TMEM120B: variants seen among roughly 807,000 people sequenced by gnomAD.
The protein encoded by TMEM120B is transmembrane protein 120B.
A neutral mutation model predicts 55.5 loss-of-function variants in TMEM120B; 31 were observed. The observed-to-expected ratio is 0.56, with a 90% confidence interval of 0.42 to 0.75. The LOEUF (loss-of-function observed/expected upper bound fraction) is 0.75. Among genes scored for constraint, TMEM120B ranks in the 30% least tolerant of loss-of-function variants. The pLI is 0.00. For synonymous variants in TMEM120B, 203 were observed against 176.3 expected (o/e 1.15, Z -1.20); for missense variants, 399 against 425.5 (o/e 0.94, Z 0.55).
At chr12:121,772,438 CTTTTT>C (rs113833541) in intron 8 of TMEM120B, among the ~76,000 whole-genome samples, 1 of 128,512 alleles carries the variant, frequency 7.8e-6, no homozygotes. Context: ...CCGTTTCTTT[CTTTTT>C]TTTTTTTTTT....
At chr12:121,742,827 A>C (rs1438711982) in intron 1 of TMEM120B, among the ~76,000 whole-genome samples, 2 of 151,848 alleles carry the variant, frequency 1.3e-5, no homozygotes, top group Non-Finnish European at 2.9e-5. Context: ...TACCTGCCTC[A>C]GCCTCCCAAA....
chr12:121,750,486 C>A, intron 4 of TMEM120B, 47 bp downstream of exon 4: 1 of 1,383,084 alleles, frequency 7.2e-7, no homozygotes, highest in Non-Finnish European at 1.0e-6. Context: ...CACACCGCCC[C>A]CACACCCACA....
chr12:121,780,990 G>T lies in TMEM120B; in HGVS notation c.*5268G>T, dbSNP rs148151288. ...CATGGGGATCCCGCGGCAGAAATGC[G>T]TGACCTCAGGGAACCACTGTGGAGG... On this transcript the variant is annotated 3_prime_UTR_variant, in exon 12 of 12. Coordinates refer to ENST00000449592, the MANE Select transcript of TMEM120B (RefSeq NM_001080825.2). 9 of 1,613,800 alleles carry T rather than the reference G, an allele frequency of 5.6e-6. No individual in the cohort carries two copies. The highest frequency in any genetic ancestry group is 7.6e-6 in the Non-Finnish European group (9 of 1,179,782).
chr12:121,746,188 CACT>C (rs1566514831), intron 2 of TMEM120B, among the ~76,000 whole-genome samples: 3 of 148,376 alleles, frequency 2.0e-5, no homozygotes, highest in Non-Finnish European at 3.0e-5. Flanking sequence ...ACCGCCCCCC[CACT>C]TTTTTTTTTT....
At chr12:121,774,947 G>T in intron 10 of TMEM120B, 115 bp from the exon 11 acceptor site, 1 of 1,207,316 alleles carries the variant, frequency 8.3e-7, no homozygotes. Context: ...GTGTCTGTCA[G>T]TGTTGTGGGT....
chr12:121,735,447 G>A (rs1352343274), intron 1 of TMEM120B, among the ~76,000 whole-genome samples: 1 of 150,078 alleles, frequency 6.7e-6, no homozygotes, highest in African/African-American at 2.5e-5. Context: ...TTGCCAGGCT[G>A]GAGTGCAGTG....
chr12:121,759,613 G>A (rs569384203), intron 5 of TMEM120B, among the ~76,000 whole-genome samples: 65 of 151,836 alleles, frequency 4.3e-4, no homozygotes, highest in Admixed American at 7.2e-4. Context: ...AGGAGGTGGA[G>A]GTTGCAGTGA....
At chr12:121,770,768 G>A in intron 6 of TMEM120B, 139 bp from the exon 7 acceptor site, 1 of 750,848 alleles carries the variant, frequency 1.3e-6, no homozygotes, top group Non-Finnish European at 2.3e-6. Flanking sequence ...GGCACGGTCA[G>A]GGTTCCAGTC....
chr12:121,769,900 T>C lies in TMEM120B; in HGVS notation c.552-1007T>C, dbSNP rs138854038. 2.0e-5 allele frequency among the ~76,000 whole-genome samples: 3 copies of C among 152,192 alleles called. No homozygotes were observed. The East Asian group carries it at 5.8e-4, about 29-fold the overall frequency. ...AAGAAAGGCACGTAATTGCAGACAGTGATCCATGCCATGAAGGAGGTGAAG... is the reference window on the plus strand; with the variant it reads ...AAGAAAGGCACGTAATTGCAGACAGCGATCCATGCCATGAAGGAGGTGAAG... On this transcript the variant is annotated intron_variant, in intron 6 of 11. Transcript: ENST00000449592.
chr12:121,735,955 G>A (rs914299269), intron 1 of TMEM120B, among the ~76,000 whole-genome samples: 2 of 152,056 alleles, frequency 1.3e-5, no homozygotes, highest in African/African-American at 4.8e-5. Context: ...CTCCCAAAGT[G>A]TTGGGATTAC....
chr12:121,722,570 G>A (rs1001442968), intron 1 of TMEM120B, among the ~76,000 whole-genome samples: 2 of 152,168 alleles, frequency 1.3e-5, no homozygotes, highest in African/African-American at 2.4e-5. Flanking sequence ...AATAAACTGA[G>A]CTACCTGTGT....
rs1022414913 is a variant in TMEM120B at position 121,770,785 on chromosome 12, T to G, written c.552-122T>G. ...CACGGTCAGGGTTCCAGTCTGTTTC[T>G]TACTCCAAGAAGCCGTCTCTGAGTG... On this transcript the variant is annotated intron_variant, in intron 6 of 11. Coordinates refer to ENST00000449592, the MANE Select transcript of TMEM120B (RefSeq NM_001080825.2). 4 of 863,354 alleles carry G rather than the reference T, an allele frequency of 4.6e-6. No homozygotes were observed. The African/African-American group carries it at 6.7e-5, about 14-fold the overall frequency. The allele number at this position is 863,354 out of a possible 1,614,324, so 53.5% of individuals were successfully genotyped here. A position where few individuals can be genotyped will look rare whatever the true frequency, so the allele number is the denominator to read the frequency against.
rs1158427412 is a variant in TMEM120B, at chr12:121,758,927, G to T, written c.462-2722G>T. The T allele has an allele frequency of 5.1e-6, 5 of 984,262 alleles. No homozygotes were observed. The South Asian group carries it at 1.9e-4, about 37-fold the overall frequency. The allele number at this position is 984,262 out of a possible 1,614,324, so 61.0% of individuals were successfully genotyped here. A position where few individuals can be genotyped will look rare whatever the true frequency, so the allele number is the denominator to read the frequency against. ...CCTAGCCCCGTGCTGTGGTCACCATGGAGGAGGACGGCCCAGCCCCGCGCT... is the reference window on the plus strand; with the variant it reads ...CCTAGCCCCGTGCTGTGGTCACCATTGAGGAGGACGGCCCAGCCCCGCGCT... On this transcript the variant is annotated intron_variant, in intron 5 of 11. Coordinates refer to ENST00000449592, the MANE Select transcript of TMEM120B (RefSeq NM_001080825.2).
intron 2 of TMEM120B, among the ~76,000 whole-genome samples, chr12:121,745,282 T>C (rs951527408): frequency 1.3e-5 from 2 of 152,258 alleles, no homozygotes; most frequent in Non-Finnish European, 2.9e-5. Flanking sequence ...TACCAAAGAA[T>C]AACAGACCAT....
At chr12:121,741,973 C>A (rs1387996722) in intron 1 of TMEM120B, among the ~76,000 whole-genome samples, 1 of 151,604 alleles carries the variant, frequency 6.6e-6, no homozygotes, top group Admixed American at 6.6e-5. Context: ...TAATTCTTAG[C>A]CTTTGCCTCT....
At chr12:121,744,050 CTCTT>C (rs1263423788) in intron 2 of TMEM120B, among the ~76,000 whole-genome samples, 2 of 150,334 alleles carry the variant, frequency 1.3e-5, no homozygotes, top group African/African-American at 4.9e-5. Flanking sequence ...GAGAGTGTCT[CTCTT>C]TTTTTTTTTT....
At chr12:121,773,599 C>T in intron 9 of TMEM120B, 86 bp downstream of exon 9, 2 of 1,044,360 alleles carry the variant, frequency 1.9e-6, no homozygotes, top group Non-Finnish European at 2.7e-6. Flanking sequence ...GCGAGCACCT[C>T]CCATACAGCG....
chr12:121,733,588 G>A (rs919193551), intron 1 of TMEM120B, among the ~76,000 whole-genome samples: 11 of 148,540 alleles, frequency 7.4e-5, no homozygotes, highest in Non-Finnish European at 1.5e-4. Flanking sequence ...TGCCCAGGCC[G>A]GAGTGCAATG....
intron 1 of TMEM120B, among the ~76,000 whole-genome samples, chr12:121,723,618 C>G (rs1212997313): frequency 6.6e-6 from 1 of 152,146 alleles, no homozygotes; most frequent in Non-Finnish European, 1.5e-5. Flanking sequence ...CTACCATTGA[C>G]TAAACTCAAC....
Sources: gnomAD v4.1 joint callset for allele counts (sites outside exome capture counted in the v4.1 genomes callset) on GRCh38, gnomAD v4.1.1 for gene constraint, MANE v1.5 for transcripts, NCBI Gene and HGNC (gene_info 2026-07-23, HGNC 2026-07-21) for gene names.